MAP3K5: variants seen among roughly 807,000 people sequenced by gnomAD.
MAP3K5 encodes the protein mitogen-activated protein kinase kinase kinase 5.
In MAP3K5, 56 loss-of-function variants were observed where a neutral mutation model predicts 158.7. That is an observed-to-expected ratio of 0.35 (90% confidence interval 0.28 to 0.44). The LOEUF (loss-of-function observed/expected upper bound fraction) is 0.44, where lower values mean the gene tolerates loss of function less well. Among genes scored for constraint, MAP3K5 ranks in the 20% least tolerant of loss-of-function variants. The pLI is 1.00. For missense variants in MAP3K5, 1,294 were observed against 1,674.8 expected (o/e 0.77, Z 3.97); for synonymous variants, 579 against 601.7 (o/e 0.96, Z 0.55).
intron 10 of MAP3K5, among the ~76,000 whole-genome samples, chr6:136,655,134 A>G (rs999109300): frequency 6.6e-6 from 1 of 152,162 alleles, no homozygotes; most frequent in Non-Finnish European, 1.5e-5. Context: ...TATGATACTA[A>G]TCTAAACGGG....
intron 2 of MAP3K5, among the ~76,000 whole-genome samples, chr6:136,714,525 T>C (rs191943537): frequency 1.3e-5 from 2 of 152,334 alleles, no homozygotes; most frequent in East Asian, 1.9e-4. Context: ...TTGTACCATA[T>C]GTCAAAATTT....
intron 15 of MAP3K5, among the ~76,000 whole-genome samples, chr6:136,620,843 A>G (rs1054715149): frequency 6.6e-6 from 1 of 152,220 alleles, no homozygotes; most frequent in Non-Finnish European, 1.5e-5. Flanking sequence ...AGAAGACAGA[A>G]TTATTAGTTG....
chr6:136,631,287 T>C (rs1777340911), intron 14 of MAP3K5, among the ~76,000 whole-genome samples: 1 of 152,190 alleles, frequency 6.6e-6, no homozygotes, highest in South Asian at 2.1e-4. Flanking sequence ...ATAAGTGATG[T>C]ATTTTCTCAG....
chr6:136,677,668 C>G (rs762257590), intron 7 of MAP3K5, among the ~76,000 whole-genome samples: 5 of 152,216 alleles, frequency 3.3e-5, no homozygotes, highest in Non-Finnish European at 7.3e-5. Flanking sequence ...GTGGTACAAT[C>G]ACAAAATTGC....
intron 1 of MAP3K5, among the ~76,000 whole-genome samples, chr6:136,727,854 C>T (rs890134269): frequency 2.0e-5 from 3 of 151,698 alleles, no homozygotes; most frequent in South Asian, 2.1e-4. Flanking sequence ...CCCAGCTACT[C>T]GGGAGGCTGA....
intron 1 of MAP3K5, among the ~76,000 whole-genome samples, chr6:136,723,814 A>C (rs1781842987): frequency 2.0e-5 from 3 of 152,186 alleles, no homozygotes; most frequent in Admixed American, 2.0e-4. Context: ...AGGTCAAAGG[A>C]GCTTCAGAAG....
At chr6:136,788,833 G>T (rs191363657) in intron 1 of MAP3K5, among the ~76,000 whole-genome samples, 1 of 152,220 alleles carries the variant, frequency 6.6e-6, no homozygotes, top group East Asian at 1.9e-4. Context: ...ACCGTGGAAA[G>T]TAATTTGGAG....
intron 2 of MAP3K5, among the ~76,000 whole-genome samples, chr6:136,712,460 G>A (rs867288311): frequency 2.6e-5 from 4 of 151,968 alleles, no homozygotes; most frequent in African/African-American, 4.8e-5. Flanking sequence ...AGCTGTGCCC[G>A]GCCTAACAGA....
At chr6:136,730,639 G>A (rs1449587985) in intron 1 of MAP3K5, among the ~76,000 whole-genome samples, 3 of 150,478 alleles carry the variant, frequency 2.0e-5, no homozygotes, top group South Asian at 2.1e-4. Flanking sequence ...GGAGAATGGC[G>A]TGAACCCAGG....
At chr6:136,693,660 T>C (rs750919893) in intron 7 of MAP3K5, among the ~76,000 whole-genome samples, 7 of 152,192 alleles carry the variant, frequency 4.6e-5, no homozygotes, top group Non-Finnish European at 1.0e-4. Context: ...TTTACTATAC[T>C]ATGTTAAATG....
At chr6:136,756,755 G>C (rs537019064) in intron 1 of MAP3K5, among the ~76,000 whole-genome samples, 1 of 152,320 alleles carries the variant, frequency 6.6e-6, no homozygotes, top group African/African-American at 2.4e-5. Flanking sequence ...ACTGATGGGA[G>C]AGAGACACTT....
At chr6:136,722,947 T>C (rs1781808871) in intron 1 of MAP3K5, among the ~76,000 whole-genome samples, 2 of 151,978 alleles carry the variant, frequency 1.3e-5, no homozygotes, top group South Asian at 4.1e-4. Context: ...CTCAGCCACC[T>C]AAAGTGCTGG....
upstream of MAP3K5, chr6:136,792,492 C>T: frequency 1.6e-6 from 1 of 619,860 alleles, no homozygotes; most frequent in Non-Finnish European, 2.0e-6. This position sits in a 1 kb window ranked among gnomAD's most constrained non-coding sequence, Gnocchi z 5.7. Context: ...ACCTGCGCCG[C>T]GGTGCAGCTC....
intron 1 of MAP3K5, among the ~76,000 whole-genome samples, chr6:136,752,283 A>G (rs972843450): frequency 6.6e-6 from 1 of 152,142 alleles, no homozygotes; most frequent in Non-Finnish European, 1.5e-5. Context: ...TTTCAAATCA[A>G]TAAGGGCTGT....
rs778751581 is a variant in MAP3K5, at chr6:136,651,105, G to A, written c.1681-14C>T. ...TAATATTAATACCTTGAAAAGATACGGCAAAGAAACTAATATCAGTGACTT... is the reference window on the plus strand; with the variant it reads ...TAATATTAATACCTTGAAAAGATACAGCAAAGAAACTAATATCAGTGACTT... On this transcript the variant is annotated splice_polypyrimidine_tract_variant and intron_variant, in intron 10 of 29. Transcript: ENST00000359015. 9 of 1,420,050 alleles carry A rather than the reference G, an allele frequency of 6.3e-6. No individual in the cohort carries two copies. The highest frequency in any genetic ancestry group is 2.3e-5 in the East Asian group (1 of 43,424). The allele number at this position is 1,420,050 out of a possible 1,614,324, so 88.0% of individuals were successfully genotyped here.
chr6:136,583,418 GAATA>G, intron 24 of MAP3K5, 133 bp downstream of exon 24: 1 of 765,822 alleles, frequency 1.3e-6, no homozygotes, highest in Non-Finnish European at 2.0e-6. Context: ...ACTGAGAGGC[GAATA>G]TCTCACATTT....
At chr6:136,786,575 T>A (rs1052776466) in intron 1 of MAP3K5, among the ~76,000 whole-genome samples, 1 of 151,990 alleles carries the variant, frequency 6.6e-6, no homozygotes, top group Non-Finnish European at 1.5e-5. Context: ...GTAAATAAGA[T>A]GAATTTTCAT....
At chr6:136,720,652 T>G in intron 1 of MAP3K5, 63 bp from the exon 2 acceptor site, 1 of 1,268,166 alleles carries the variant, frequency 7.9e-7, no homozygotes, top group East Asian at 2.5e-5. Context: ...TCAGCACATT[T>G]TGGTTTGAAT....
chr6:136,586,026 T>C (rs1456587897), intron 23 of MAP3K5, among the ~76,000 whole-genome samples: 1 of 152,242 alleles, frequency 6.6e-6, no homozygotes, highest in Non-Finnish European at 1.5e-5. Flanking sequence ...CATCGAGTTC[T>C]TTCTCTTAAT....
Sources: allele counts gnomAD v4.1 joint callset (sites outside exome capture counted in the v4.1 genomes callset), GRCh38; gene constraint gnomAD v4.1.1; non-coding constraint Gnocchi (gnomAD v3.1); transcripts MANE v1.5; gene names NCBI Gene and HGNC (gene_info 2026-07-23, HGNC 2026-07-21).